The following AGBL4 variants were observed in gnomAD, a reference collection of about 807,000 sequenced individuals.
The protein encoded by AGBL4 is cytosolic carboxypeptidase 6.
In AGBL4, 58 loss-of-function variants were observed where a neutral mutation model predicts 66.4. The ratio of observed to expected loss-of-function variants is 0.87; its 90% CI spans 0.71 to 1.09. AGBL4 has a LOEUF of 1.09. Among genes scored for constraint, AGBL4 ranks in the 50% least tolerant of loss-of-function variants. The pLI is 0.00. For synonymous variants in AGBL4, 234 were observed against 222.9 expected (o/e 1.05, Z -0.44); for missense variants, 579 against 631.0 (o/e 0.92, Z 0.88).
At position 49,989,395 on chromosome 1, in the gene AGBL4, G is replaced by C. The variant is rs1243257098; in HGVS notation, c.34+34368C>G. 5.3e-5 allele frequency among the ~76,000 whole-genome samples: 8 copies of C among 152,106 alleles called. No homozygotes were observed. In the East Asian group the frequency reaches 1.5e-3, roughly 29 times the overall value. The stretch of plus-strand genomic sequence containing the variant: ...AGGGTCTAGATAGGAACAAGGAGGG[G>C]ACAAGTACAGCAGAGACATGGTACA... On this transcript the variant is annotated intron_variant, in intron 1 of 13. Transcript: ENST00000371839.
chr1:48,869,168 C>T (rs1015703471), intron 5 of AGBL4, among the ~76,000 whole-genome samples: 2 of 152,196 alleles, frequency 1.3e-5, no homozygotes, highest in East Asian at 3.9e-4. Context: ...TGTTTTCCTG[C>T]CAACTCATAA....
At chr1:49,998,306 A>T (rs1189609612) in intron 1 of AGBL4, among the ~76,000 whole-genome samples, 2 of 152,166 alleles carry the variant, frequency 1.3e-5, no homozygotes, top group Non-Finnish European at 2.9e-5. Flanking sequence ...TACTATGAAC[A>T]CTTTTATGTG....
At chr1:49,797,339 T>C (rs1644755108) in intron 2 of AGBL4, among the ~76,000 whole-genome samples, 1 of 152,196 alleles carries the variant, frequency 6.6e-6, no homozygotes, top group Non-Finnish European at 1.5e-5. Flanking sequence ...AAAATATAAA[T>C]GTTTATAGAA....
At chr1:48,981,479 G>A (rs542833814) in intron 5 of AGBL4, among the ~76,000 whole-genome samples, 8 of 152,304 alleles carry the variant, frequency 5.3e-5, no homozygotes, top group Non-Finnish European at 8.8e-5. Flanking sequence ...CCACATACAG[G>A]TTTTTCAATA....
At chr1:49,432,066 A>C (rs1645800342) in intron 3 of AGBL4, among the ~76,000 whole-genome samples, 1 of 152,180 alleles carries the variant, frequency 6.6e-6, no homozygotes, top group African/African-American at 2.4e-5. Context: ...TTAGGATTAA[A>C]CAAGTTTATT....
chr1:49,674,942 T>C (rs1203548961), intron 3 of AGBL4, among the ~76,000 whole-genome samples: 3 of 152,156 alleles, frequency 2.0e-5, no homozygotes, highest in East Asian at 1.9e-4. Context: ...CTTTTGACAT[T>C]TGAGTGATAG....
intron 2 of AGBL4, among the ~76,000 whole-genome samples, chr1:49,748,463 A>G (rs982630594): frequency 2.0e-5 from 3 of 152,192 alleles, no homozygotes; most frequent in Admixed American, 6.5e-5. Flanking sequence ...TACCACTACA[A>G]TAAACATGCA....
chr1:50,005,931 A>AGGGGG (rs1661093126), intron 1 of AGBL4, among the ~76,000 whole-genome samples: 1 of 152,230 alleles, frequency 6.6e-6, no homozygotes, highest in Non-Finnish European at 1.5e-5. Context: ...GTGAGCTTAA[A>AGGGGG]GGCAGGCTAT....
At chr1:48,621,100 T>G (rs924349877) in intron 9 of AGBL4, among the ~76,000 whole-genome samples, 9 of 151,812 alleles carry the variant, frequency 5.9e-5, no homozygotes, top group Non-Finnish European at 1.0e-4. Flanking sequence ...TGAGGTGTGC[T>G]CTAGGGAAGG....
chr1:49,032,496 C>A (rs532642975), intron 5 of AGBL4, among the ~76,000 whole-genome samples: 1 of 152,238 alleles, frequency 6.6e-6, no homozygotes, highest in Admixed American at 6.5e-5. Flanking sequence ...GATCTCAAAG[C>A]AGCAATCTTC....
intron 3 of AGBL4, among the ~76,000 whole-genome samples, chr1:49,265,725 T>C (rs1643903916): frequency 6.6e-6 from 1 of 152,212 alleles, no homozygotes; most frequent in Non-Finnish European, 1.5e-5. Flanking sequence ...GTATATAATG[T>C]ACATATATAC....
intron 1 of AGBL4, among the ~76,000 whole-genome samples, chr1:49,973,753 T>C (rs192841337): frequency 6.7e-6 from 1 of 150,066 alleles, no homozygotes; most frequent in Admixed American, 6.7e-5. Context: ...TACAATCATT[T>C]ACATTTATAT....
chr1:49,417,900 T>A (rs1388655806), intron 3 of AGBL4, among the ~76,000 whole-genome samples: 1 of 152,194 alleles, frequency 6.6e-6, no homozygotes, highest in Admixed American at 6.5e-5. Flanking sequence ...TCATTTTAAT[T>A]TTCTAAATGG....
intron 2 of AGBL4, among the ~76,000 whole-genome samples, chr1:49,826,029 T>A (rs1166532574): frequency 6.6e-6 from 1 of 152,190 alleles, no homozygotes; most frequent in East Asian, 1.9e-4. Context: ...ATTTTCCATA[T>A]AATAACTTTA....
chr1:49,328,171 T>C (rs1001428188), intron 3 of AGBL4, among the ~76,000 whole-genome samples: 2 of 152,146 alleles, frequency 1.3e-5, no homozygotes, highest in African/African-American at 4.8e-5. Context: ...CCTTCCAAGA[T>C]GAACTTAAGA....
chr1:49,826,586 C>T (rs759003225), intron 2 of AGBL4, among the ~76,000 whole-genome samples: 3 of 152,094 alleles, frequency 2.0e-5, no homozygotes, highest in Non-Finnish European at 2.9e-5. Flanking sequence ...TAACTGTATC[C>T]CTGTATAGAC....
chr1:49,313,437 G>C (rs560709237), intron 3 of AGBL4, among the ~76,000 whole-genome samples: 3 of 152,100 alleles, frequency 2.0e-5, no homozygotes, highest in African/African-American at 7.2e-5. Flanking sequence ...CTAGATCCTT[G>C]AGGAATCACC....
intron 6 of AGBL4, among the ~76,000 whole-genome samples, chr1:48,693,866 C>T (rs1319250440): frequency 5.3e-5 from 8 of 152,026 alleles, no homozygotes; most frequent in Admixed American, 4.6e-4. Context: ...GCCCTCCTGC[C>T]GGGTACTGGG....
At chr1:48,916,017 T>C (rs952707919) in intron 5 of AGBL4, among the ~76,000 whole-genome samples, 1 of 152,002 alleles carries the variant, frequency 6.6e-6, no homozygotes, top group Non-Finnish European at 1.5e-5. Context: ...TGGAAGAAAG[T>C]AAAGGAAGAT....
Sources: gnomAD v4.1 joint callset for allele counts (sites outside exome capture counted in the v4.1 genomes callset) on GRCh38, gnomAD v4.1.1 for gene constraint, MANE v1.5 for transcripts, NCBI Gene and HGNC (gene_info 2026-07-23, HGNC 2026-07-21) for gene names.